WDR25: variants seen among roughly 807,000 people sequenced by gnomAD.
WDR25 encodes the protein WD repeat domain 25, also known as WD repeat-containing protein 25.
Under a neutral mutation model 47.7 loss-of-function variants are expected in WDR25, and 35 were observed. That is an observed-to-expected ratio of 0.73 (90% CI 0.56 to 0.97). WDR25 has a LOEUF of 0.97. Ranked by LOEUF, WDR25 falls within the 50% of genes least tolerant of loss-of-function variation. WDR25 has a pLI of 0.00. For synonymous variants in WDR25, 248 were observed against 278.9 expected (o/e 0.89, Z 1.10); for missense variants, 634 against 704.7 (o/e 0.90, Z 1.14).
At chr14:100,495,307 A>G (rs1406187281) in intron 4 of WDR25, among the ~76,000 whole-genome samples, 1 of 152,250 alleles carries the variant, frequency 6.6e-6, no homozygotes, top group Non-Finnish European at 1.5e-5. Context: ...CAGTGAGCTG[A>G]GACCGTGTCA....
intron 3 of WDR25, among the ~76,000 whole-genome samples, chr14:100,470,875 G>A (rs1899807211): frequency 6.6e-6 from 1 of 152,356 alleles, no homozygotes; most frequent in East Asian, 1.9e-4. Flanking sequence ...CCATCCAGTG[G>A]GGGAGGTGAT....
rs1248572097 is a variant in WDR25, at chr14:100,502,211, G to A, written c.1101+18087G>A. 6.6e-6 allele frequency among the ~76,000 whole-genome samples: 1 copy of A among 152,138 alleles called. No homozygotes were observed. Among genetic ancestry groups the A allele is most frequent in the Non-Finnish European group, 1.5e-5 (1 of 67,994 alleles). ...AGAGCCCCCCACTGTGGTGGCCCTT[G>A]CCCTCCCACTCAGCTCTGAGCCTGA... On this transcript the variant is annotated intron_variant, in intron 4 of 6. Transcript: ENST00000402312. This position sits in a 1 kb window ranked among gnomAD's most constrained non-coding sequence, Gnocchi z 4.5.
rs182944031 is a variant in WDR25, at chr14:100,524,126, C to T, written c.1102-1744C>T. Among the ~76,000 whole-genome samples, 8 of 152,172 alleles carry T rather than the reference C, an allele frequency of 5.3e-5. No homozygotes were observed. In the East Asian group the frequency reaches 7.7e-4, roughly 15 times the overall value. The stretch of plus-strand genomic sequence containing the variant: ...TTTCCATCCATTCTCAGAAAATGTA[C>T]GGAACAACTGTTTTGGTTCTCCTCA... On this transcript the variant is annotated intron_variant, in intron 4 of 6. Transcript: ENST00000402312.
At chr14:100,510,853 T>C (rs1034267814) in intron 4 of WDR25, among the ~76,000 whole-genome samples, 2 of 151,962 alleles carry the variant, frequency 1.3e-5, no homozygotes, top group Non-Finnish European at 2.9e-5. Context: ...TCCTCTTTCT[T>C]TGGCCTCCCA....
intron 2 of WDR25, among the ~76,000 whole-genome samples, chr14:100,432,652 T>C (rs1361053247): frequency 6.6e-6 from 1 of 152,252 alleles, no homozygotes; most frequent in Non-Finnish European, 1.5e-5. Context: ...AGAGTAAGAC[T>C]GATAGTCCTT....
intron 2 of WDR25, among the ~76,000 whole-genome samples, chr14:100,439,061 G>A (rs1278961836): frequency 6.6e-6 from 1 of 152,228 alleles, no homozygotes; most frequent in Non-Finnish European, 1.5e-5. Context: ...GCAGTAGGGA[G>A]TGGGGCTGGG....
intron 2 of WDR25, among the ~76,000 whole-genome samples, chr14:100,462,567 G>C (rs1899450221): frequency 6.6e-6 from 1 of 152,174 alleles, no homozygotes; most frequent in African/African-American, 2.4e-5. Flanking sequence ...TCTACTAGGA[G>C]AGCCAAGTGT....
chr14:100,459,574 C>A (rs1366742873), intron 2 of WDR25, among the ~76,000 whole-genome samples: 1 of 151,974 alleles, frequency 6.6e-6, no homozygotes. Context: ...GTAATCAAGT[C>A]AAAATGAGGT....
Position 100,530,102 on chromosome 14 carries a change from G to A in WDR25, c.*61G>A. ...GCTCTTGGACTCCCCTCTTCCTCAA[G>A]GGTAGATGAGAGGAACGAGCACAGA... On this transcript the variant is annotated 3_prime_UTR_variant, in exon 7 of 7. Coordinates refer to ENST00000402312, the MANE Select transcript of WDR25 (RefSeq NM_001161476.3). The A allele has an allele frequency of 2.0e-6, 3 of 1,526,088 alleles. No homozygotes were observed. The South Asian group carries it at 3.7e-5, about 19-fold the overall frequency. The allele number at this position is 1,526,088 out of a possible 1,614,324, so 94.5% of individuals were successfully genotyped here. A position where few individuals can be genotyped will look rare whatever the true frequency, so the allele number is the denominator to read the frequency against.
At chr14:100,448,976 C>T (rs1898932329) in intron 2 of WDR25, among the ~76,000 whole-genome samples, 1 of 151,908 alleles carries the variant, frequency 6.6e-6, no homozygotes, top group Admixed American at 6.5e-5. Flanking sequence ...GTTCAAGGAA[C>T]AGAGTGAGTT....
rs111372905 is a variant in WDR25 at position 100,472,065 on chromosome 14, C to T, written c.970+3897C>T. Among the ~76,000 whole-genome samples, 143 of 152,330 alleles carry T rather than the reference C, an allele frequency of 9.4e-4. 1 individual carries two copies. The highest frequency in any genetic ancestry group is 3.5e-3 in the East Asian group (18 of 5,186). ...CCCGGAGAGCTCCCTCAGTTCTAAGCGGTCCTGTCATGTTTCTTGCAGACT... is the reference window on the plus strand; with the variant it reads ...CCCGGAGAGCTCCCTCAGTTCTAAGTGGTCCTGTCATGTTTCTTGCAGACT... On this transcript the variant is annotated intron_variant, in intron 3 of 6. Coordinates refer to ENST00000402312, the MANE Select transcript of WDR25 (RefSeq NM_001161476.3).
rs1897490413 is a variant in WDR25 at position 100,404,996 on chromosome 14, C to T, written c.822+23250C>T. On this transcript the variant is annotated intron_variant, in intron 2 of 6. Transcript: ENST00000402312. The surrounding 1 kb of genome is among the most constrained non-coding windows in gnomAD (Gnocchi z 4.6). ...TCCTGTGCTCGCAGAATCTGTCTGT[C>T]CTCTTGCCCCCACCTCAGAGGCTTC... Among the ~76,000 whole-genome samples the T allele has an allele frequency of 6.6e-6, 1 of 152,130 alleles. No individual in the cohort carries two copies. The highest frequency in any genetic ancestry group is 2.4e-5 in the African/African-American group (1 of 41,418).
intron 2 of WDR25, among the ~76,000 whole-genome samples, chr14:100,416,306 C>T (rs751516169): frequency 6.0e-4 from 92 of 152,344 alleles, no homozygotes; most frequent in Non-Finnish European, 1.1e-3. Context: ...ATTGTGACTA[C>T]TGCTGTTGTA....
At chr14:100,420,467 G>A (rs1403154699) in intron 2 of WDR25, among the ~76,000 whole-genome samples, 1 of 152,112 alleles carries the variant, frequency 6.6e-6, no homozygotes, top group African/African-American at 2.4e-5. Context: ...GCTGAACATT[G>A]AGCTTTTTAT....
At chr14:100,398,855 C>T (rs1897315357) in intron 2 of WDR25, among the ~76,000 whole-genome samples, 1 of 150,972 alleles carries the variant, frequency 6.6e-6, no homozygotes, top group Non-Finnish European at 1.5e-5. Flanking sequence ...AAACCCTGCA[C>T]ATCCTGGCTG....
At chr14:100,401,804 T>C (rs1218711429) in intron 2 of WDR25, among the ~76,000 whole-genome samples, 2 of 152,224 alleles carry the variant, frequency 1.3e-5, no homozygotes, top group African/African-American at 4.8e-5. Flanking sequence ...TGGGTGGCTC[T>C]GCACGTGTCT....
rs1032054790 is a variant in WDR25 at position 100,404,306 on chromosome 14, G to A, written c.822+22560G>A. Reference sequence around the variant, plus strand: ...CTGTTTGCTCCCAAAGTCTATGTTCGTTCCACTCTCCCACGCCAGCCCGTA... The same window carrying A: ...CTGTTTGCTCCCAAAGTCTATGTTCATTCCACTCTCCCACGCCAGCCCGTA... On this transcript the variant is annotated intron_variant, in intron 2 of 6. Transcript: ENST00000402312. This position sits in a 1 kb window ranked among gnomAD's most constrained non-coding sequence, Gnocchi z 4.6. Among the ~76,000 whole-genome samples, 10 of 152,218 alleles carry A rather than the reference G, an allele frequency of 6.6e-5. No individual in the cohort carries two copies. Among genetic ancestry groups the A allele is most frequent in the Non-Finnish European group, 1.3e-4 (9 of 68,042 alleles).
rs1014986509 is a variant in WDR25, at chr14:100,425,503, G to A, written c.823-42518G>A. The stretch of plus-strand genomic sequence containing the variant: ...TTCCCCTAGACTGTGAAATATGTTT[G>A]ATGGGGAAAGATACCCGGGACAGAA... On this transcript the variant is annotated intron_variant, in intron 2 of 6. Coordinates refer to ENST00000402312, the MANE Select transcript of WDR25 (RefSeq NM_001161476.3). The surrounding 1 kb of genome is among the most constrained non-coding windows in gnomAD (Gnocchi z 4.8). Among the ~76,000 whole-genome samples, 11 of 152,192 alleles carry A rather than the reference G, an allele frequency of 7.2e-5. No homozygotes were observed. Among genetic ancestry groups the A allele is most frequent in the African/African-American group, 2.7e-4 (11 of 41,438 alleles).
chr14:100,461,217 GAAAGA>G (rs562602491), intron 2 of WDR25, among the ~76,000 whole-genome samples: 11 of 151,858 alleles, frequency 7.2e-5, no homozygotes, highest in Admixed American at 2.0e-4. Context: ...CCCTGACTTG[GAAAGA>G]AAAGAAAAGA....
Sources: allele counts gnomAD v4.1 joint callset (sites outside exome capture counted in the v4.1 genomes callset), GRCh38; gene constraint gnomAD v4.1.1; non-coding constraint Gnocchi (gnomAD v3.1); transcripts MANE v1.5; gene names NCBI Gene and HGNC (gene_info 2026-07-23, HGNC 2026-07-21).